The following ITSN1 variants were observed in gnomAD, a reference collection of about 807,000 sequenced individuals.
ITSN1 encodes intersectin-1.
A neutral mutation model predicts 239.8 loss-of-function variants in ITSN1; 58 were observed. The ratio of observed to expected loss-of-function variants is 0.24; its 90% confidence interval spans 0.20 to 0.30. The LOEUF (loss-of-function observed/expected upper bound fraction) is 0.30. ITSN1 is among the 10% of genes least tolerant of loss of function. ITSN1 has a pLI of 1.00. For synonymous variants in ITSN1, 780 were observed against 770.8 expected (o/e 1.01, Z -0.20); for missense variants, 1,558 against 2,103.3 (o/e 0.74, Z 5.07).
intron 31 of ITSN1, among the ~76,000 whole-genome samples, chr21:33,861,539 G>A (rs555932306): frequency 1.2e-3 from 178 of 152,190 alleles, no homozygotes; most frequent in Non-Finnish European, 2.2e-3. Context: ...GCTCTCTTGC[G>A]AGGAAGCTGA....
intron 29 of ITSN1, among the ~76,000 whole-genome samples, chr21:33,851,060 G>A (rs891303780): frequency 6.6e-6 from 1 of 152,160 alleles, no homozygotes; most frequent in Admixed American, 6.5e-5. Flanking sequence ...GAAAGCCATC[G>A]CCCGGGCTTG....
chr21:33,721,077 T>G (rs901952275), intron 2 of ITSN1, 101 bp from the exon 3 acceptor site: 1 of 748,186 alleles, frequency 1.3e-6, no homozygotes, highest in African/African-American at 1.7e-5. Context: ...GTCTTTATAA[T>G]ACATTGACAG....
intron 29 of ITSN1, among the ~76,000 whole-genome samples, chr21:33,850,301 G>A (rs2075117112): frequency 2.0e-5 from 3 of 152,162 alleles, no homozygotes; most frequent in African/African-American, 2.4e-5. Context: ...CAGCTACATG[G>A]GGCAAGATGT....
intron 1 of ITSN1, among the ~76,000 whole-genome samples, chr21:33,682,422 T>C (rs1228574010): frequency 1.3e-5 from 2 of 150,600 alleles, no homozygotes; most frequent in Non-Finnish European, 3.0e-5. Context: ...TCCATGTTGG[T>C]CAGGCTGGTC....
chr21:33,758,969 G>T (rs1434098337), intron 8 of ITSN1, among the ~76,000 whole-genome samples: 5 of 152,188 alleles, frequency 3.3e-5, no homozygotes, highest in Admixed American at 2.0e-4. Flanking sequence ...CTTAGCTGTT[G>T]CTGATCTATT....
At chr21:33,840,377 T>G (rs1487195594) in intron 29 of ITSN1, among the ~76,000 whole-genome samples, 1 of 152,158 alleles carries the variant, frequency 6.6e-6, no homozygotes, top group Non-Finnish European at 1.5e-5. Flanking sequence ...TTTTAATTTT[T>G]TTTTTTGAGA....
chr21:33,804,738 G>T (rs1602335835), intron 20 of ITSN1, among the ~76,000 whole-genome samples: 1 of 152,198 alleles, frequency 6.6e-6, no homozygotes, highest in East Asian at 1.9e-4. Flanking sequence ...TTTATCTTGA[G>T]AACACAGGCT....
At position 33,865,870 on chromosome 21, in the gene ITSN1, T is replaced by A. The variant is rs2148502931; in HGVS notation, c.4074+536T>A. Among the ~76,000 whole-genome samples the A allele has an allele frequency of 6.6e-6, 1 of 151,858 alleles. No homozygotes were observed. The highest frequency in any genetic ancestry group is 1.9e-4 in the East Asian group (1 of 5,164). Reference sequence around the variant, plus strand: ...TAGCAGGGATCTGGAGAGTTGGGAGTCCACCAGGGGATGTTTGGGGAGGTA... The same window carrying A: ...TAGCAGGGATCTGGAGAGTTGGGAGACCACCAGGGGATGTTTGGGGAGGTA... On this transcript the variant is annotated intron_variant, in intron 32 of 39. Transcript: ENST00000381318. This position sits in a 1 kb window ranked among gnomAD's most constrained non-coding sequence, Gnocchi z 4.4.
At chr21:33,746,911 T>G (rs972700336) in intron 5 of ITSN1, among the ~76,000 whole-genome samples, 1 of 151,960 alleles carries the variant, frequency 6.6e-6, no homozygotes, top group Non-Finnish European at 1.5e-5. Context: ...CCCAGCTCTT[T>G]GGGAGGCTGA....
chr21:33,680,035 G>A (rs1034851254), intron 1 of ITSN1, among the ~76,000 whole-genome samples: 1 of 152,142 alleles, frequency 6.6e-6, no homozygotes, highest in East Asian at 1.9e-4. Context: ...TATTTTAGGT[G>A]CATTTCTAGT....
intron 16 of ITSN1, among the ~76,000 whole-genome samples, chr21:33,787,465 A>C (rs1031124984): frequency 6.6e-6 from 1 of 152,204 alleles, no homozygotes; most frequent in Non-Finnish European, 1.5e-5. Flanking sequence ...CCATAATGCT[A>C]CCTGTTCTAA....
intron 11 of ITSN1, among the ~76,000 whole-genome samples, chr21:33,768,520 A>G (rs1374609506): frequency 1.3e-5 from 2 of 152,182 alleles, no homozygotes; most frequent in African/African-American, 4.8e-5. Context: ...ACCTCAAGTG[A>G]TCCACCTACC....
At chr21:33,646,431 C>G (rs2087960019) in intron 1 of ITSN1, among the ~76,000 whole-genome samples, 1 of 152,268 alleles carries the variant, frequency 6.6e-6, no homozygotes, top group Non-Finnish European at 1.5e-5. Flanking sequence ...AAATTGGTTT[C>G]TAGCAAATAG....
intron 25 of ITSN1, among the ~76,000 whole-genome samples, chr21:33,826,040 A>G (rs1382555391): frequency 6.6e-6 from 1 of 152,218 alleles, no homozygotes; most frequent in Non-Finnish European, 1.5e-5. Flanking sequence ...TTGTAACAAC[A>G]GATTCCGTTC....
intron 33 of ITSN1, 135 bp from the exon 34 acceptor site, chr21:33,875,219 C>A: frequency 2.3e-6 from 2 of 856,182 alleles, no homozygotes; most frequent in Non-Finnish European, 3.8e-6. Context: ...GTGCTCAGAG[C>A]TGCGATTGCT....
chr21:33,721,370 A>G lies in ITSN1; in HGVS notation c.121+100A>G, dbSNP rs943265156. On this transcript the variant is annotated intron_variant, in intron 3 of 39. Transcript: ENST00000381318. ...ACGAGATGGGCAAATATGACCAAGG[A>G]GAGACATTTACCTGTTTTGCCCTAA... 2.6e-5 allele frequency: 20 copies of G among 773,006 alleles called. No homozygotes were observed. In the African/African-American group the frequency reaches 3.3e-4, roughly 13 times the overall value. 47.9% of individuals were successfully genotyped at this position (773,006 alleles called of 1,614,324 possible).
chr21:33,788,446 T>G (rs1214863147), intron 16 of ITSN1, among the ~76,000 whole-genome samples: 1 of 152,228 alleles, frequency 6.6e-6, no homozygotes, highest in African/African-American at 2.4e-5. Flanking sequence ...AAATAACCAG[T>G]CAGGCCAGGT....
intron 1 of ITSN1, among the ~76,000 whole-genome samples, chr21:33,651,577 T>G (rs2088538957): frequency 6.6e-6 from 1 of 152,238 alleles, no homozygotes. Context: ...AATAGCAGTG[T>G]AAGACAAAGA....
At position 33,751,804 on chromosome 21, in the gene ITSN1, T is replaced by C. The variant is rs2067574373; in HGVS notation, c.527-6T>C. The C allele has an allele frequency of 1.9e-6, 3 of 1,593,468 alleles. No homozygotes were observed. The highest frequency in any genetic ancestry group is 2.6e-6 in the Non-Finnish European group (3 of 1,163,624). On this transcript the variant is annotated splice_polypyrimidine_tract_variant and splice_region_variant and intron_variant, in intron 6 of 39. Transcript: ENST00000381318. ...AATTAAAATTATTCAACATTTATTTTTACAGCAGCCACATTGCCAAAGAGT... is the reference window on the plus strand; with the variant it reads ...AATTAAAATTATTCAACATTTATTTCTACAGCAGCCACATTGCCAAAGAGT...
Sources: gnomAD v4.1 joint callset for allele counts (sites outside exome capture counted in the v4.1 genomes callset) on GRCh38, gnomAD v4.1.1 for gene constraint, Gnocchi (gnomAD v3.1) non-coding constraint, MANE v1.5 for transcripts, NCBI Gene and HGNC (gene_info 2026-07-23, HGNC 2026-07-21) for gene names.